TLN2: variants seen among roughly 807,000 people sequenced by gnomAD.
TLN2 encodes the protein talin-2.
Under a neutral mutation model 294.7 loss-of-function variants are expected in TLN2, and 118 were observed. The observed-to-expected ratio is 0.40, with a 90% CI of 0.34 to 0.47. The LOEUF (loss-of-function observed/expected upper bound fraction) is 0.47, where lower values mean the gene tolerates loss of function less well. Among genes scored for constraint, TLN2 ranks in the 20% least tolerant of loss-of-function variants. The probability of loss-of-function intolerance (pLI) is 0.84; values close to 1 mark genes in which losing one functional copy is unlikely to be tolerated. For synonymous variants in TLN2, 1,431 were observed against 1,304.5 expected, an observed-to-expected ratio of 1.10 and a Z score of -2.09; for missense variants, 3,083 against 3,282.2, an observed-to-expected ratio of 0.94 and a Z score of 1.48.
chr15:62,834,673 C>T (rs1055147060), intron 55 of TLN2: 13 of 152,228 alleles, frequency 8.5e-5, no homozygotes, highest in African/African-American at 2.2e-4. Context: ...CCATCCTTCC[C>T]GTTGATCCCC....
chr15:62,656,693 G>A (rs769227079), intron 8 of TLN2, among the ~76,000 whole-genome samples: 3 of 151,542 alleles, frequency 2.0e-5, no homozygotes, highest in South Asian at 2.1e-4. Context: ...CTTTCCTCTC[G>A]TTATTTATCC....
At chr15:62,708,446 G>C (rs2141120347) in intron 20 of TLN2, 56 bp from the exon 21 acceptor site, 1 of 1,574,708 alleles carries the variant, frequency 6.4e-7, no homozygotes, top group African/African-American at 1.3e-5. Flanking sequence ...GGGGGCACAT[G>C]GAGAGGGACC....
At chr15:62,563,527 C>A (rs955053745) in intron 1 of TLN2, among the ~76,000 whole-genome samples, 1 of 152,152 alleles carries the variant, frequency 6.6e-6, no homozygotes, top group Non-Finnish European at 1.5e-5. Flanking sequence ...AAGATTTTCT[C>A]CCACTTGGTG....
intron 12 of TLN2, among the ~76,000 whole-genome samples, chr15:62,688,610 C>G (rs2057498795): frequency 6.6e-6 from 1 of 152,104 alleles, no homozygotes; most frequent in African/African-American, 2.4e-5. Flanking sequence ...GAGTGAGGTT[C>G]TTAACAGTAA....
chr15:62,722,637 G>A, intron 26 of TLN2, 150 bp downstream of exon 26: 1 of 1,019,718 alleles, frequency 9.8e-7, no homozygotes, highest in Non-Finnish European at 1.3e-6. Context: ...CTGTGGGTTG[G>A]CTTTTGTTGC....
intron 11 of TLN2, among the ~76,000 whole-genome samples, chr15:62,686,385 T>G (rs1014770539): frequency 1.3e-5 from 2 of 152,174 alleles, no homozygotes; most frequent in African/African-American, 4.8e-5. Flanking sequence ...GCATCGTCTG[T>G]TTTTGGAGCA....
chr15:62,553,650 AG>A (rs1409530793), intron 1 of TLN2, among the ~76,000 whole-genome samples: 5 of 152,214 alleles, frequency 3.3e-5, no homozygotes, highest in Admixed American at 6.5e-5. Context: ...AGGCCTTTTC[AG>A]AAAATGCACA....
intron 1 of TLN2, among the ~76,000 whole-genome samples, chr15:62,564,903 CT>C (rs2043254652): frequency 2.5e-5 from 2 of 78,946 alleles, no homozygotes; most frequent in Admixed American, 1.2e-4. Flanking sequence ...AAAACTCCAT[CT>C]CAAAAAAAAA....
intron 1 of TLN2, among the ~76,000 whole-genome samples, chr15:62,407,520 A>G (rs1383488133): frequency 6.6e-6 from 1 of 152,184 alleles, no homozygotes; most frequent in Non-Finnish European, 1.5e-5. Flanking sequence ...AATGTACCCT[A>G]TCATGGACAT....
rs941604110 is a variant in TLN2 at position 62,390,554 on chromosome 15, C to G, written c.-369C>G. ...TCGCGCTCGCCCTCGGCTCTTGTTCCGCGCCCGGAGCCAGCGGCGGCGGCA... is the reference window on the plus strand; with the variant it reads ...TCGCGCTCGCCCTCGGCTCTTGTTCGGCGCCCGGAGCCAGCGGCGGCGGCA... On this transcript the variant is annotated 5_prime_UTR_variant, in exon 1 of 59. Coordinates refer to ENST00000636159, the MANE Select transcript of TLN2 (RefSeq NM_015059.3). 6.6e-6 allele frequency: 1 copy of G among 152,206 alleles called. No individual in the cohort carries two copies. Among genetic ancestry groups the G allele is most frequent in the East Asian group, 1.9e-4 (1 of 5,136 alleles). The allele number at this position is 152,206 out of a possible 1,614,324, so 9.4% of individuals were successfully genotyped here.
intron 27 of TLN2, among the ~76,000 whole-genome samples, 179 bp downstream of exon 27, chr15:62,725,283 T>G (rs1207501228): frequency 1.3e-5 from 2 of 152,224 alleles, no homozygotes; most frequent in Admixed American, 1.3e-4. Flanking sequence ...TTATGAGCGC[T>G]GGATTCTACA....
At chr15:62,488,953 G>A (rs1009997308) in intron 1 of TLN2, among the ~76,000 whole-genome samples, 6 of 152,176 alleles carry the variant, frequency 3.9e-5, no homozygotes, top group African/African-American at 1.4e-4. Context: ...ACGAGGTCAG[G>A]AGTCCAAGAC....
chr15:62,703,070 G>A lies in TLN2; in HGVS notation c.2004+206G>A, dbSNP rs144707605. Among the ~76,000 whole-genome samples, 731 of 151,550 alleles carry A rather than the reference G, an allele frequency of 4.8e-3. 5 individuals carry two copies. The highest frequency in any genetic ancestry group is 0.016 in the African/African-American group (673 of 41,332). On this transcript the variant is annotated intron_variant, in intron 19 of 58. Coordinates refer to ENST00000636159, the MANE Select transcript of TLN2 (RefSeq NM_015059.3). ...AAAACTCATTTCACTGCCACCATGCGTCATCATTGTAAAGCACGTATTTAG... is the reference window on the plus strand; with the variant it reads ...AAAACTCATTTCACTGCCACCATGCATCATCATTGTAAAGCACGTATTTAG...
At chr15:62,770,231 G>A (rs192983665) in intron 41 of TLN2, among the ~76,000 whole-genome samples, 40 of 152,320 alleles carry the variant, frequency 2.6e-4, no homozygotes, top group African/African-American at 8.9e-4. Flanking sequence ...GTGAGGAAAT[G>A]GAAGTTAAAC....
At chr15:62,590,645 A>G (rs2046003694) in intron 2 of TLN2, among the ~76,000 whole-genome samples, 2 of 152,206 alleles carry the variant, frequency 1.3e-5, no homozygotes, top group African/African-American at 2.4e-5. Flanking sequence ...CAATTGTTCT[A>G]GCATGAGATA....
At chr15:62,441,708 A>C (rs542460621) in intron 1 of TLN2, among the ~76,000 whole-genome samples, 1 of 152,280 alleles carries the variant, frequency 6.6e-6, no homozygotes, top group East Asian at 1.9e-4. Context: ...CCCACTTCAG[A>C]TGCCAGTCCC....
At chr15:62,655,128 T>C (rs1179613423) in intron 7 of TLN2, among the ~76,000 whole-genome samples, 1 of 152,182 alleles carries the variant, frequency 6.6e-6, no homozygotes, top group East Asian at 1.9e-4. Context: ...CAAGAGACTT[T>C]AGTAGAAAAA....
At chr15:62,563,539 G>A (rs924389507) in intron 1 of TLN2, among the ~76,000 whole-genome samples, 4 of 152,248 alleles carry the variant, frequency 2.6e-5, no homozygotes, top group African/African-American at 7.2e-5. Context: ...CACTTGGTGC[G>A]TTGTCTGTTT....
At chr15:62,634,238 G>A (rs2050177613) in intron 3 of TLN2, among the ~76,000 whole-genome samples, 1 of 152,194 alleles carries the variant, frequency 6.6e-6, no homozygotes, top group Non-Finnish European at 1.5e-5. Flanking sequence ...GATGACACAA[G>A]ATTGTAGCAC....
Sources: allele counts gnomAD v4.1 joint callset (sites outside exome capture counted in the v4.1 genomes callset), GRCh38; gene constraint gnomAD v4.1.1; transcripts MANE v1.5; gene names NCBI Gene and HGNC (gene_info 2026-07-23, HGNC 2026-07-21).